Variants in AGO3 observed in about 807,000 individuals in gnomAD.
AGO3 encodes protein argonaute-3.
A neutral mutation model predicts 105.5 loss-of-function variants in AGO3; 16 were observed. The ratio of observed to expected loss-of-function variants is 0.15; its 90% CI spans 0.10 to 0.23. The LOEUF (loss-of-function observed/expected upper bound fraction) is 0.23. Ranked by LOEUF, AGO3 falls within the 10% of genes least tolerant of loss-of-function variation. AGO3 has a pLI of 1.00. For missense variants in AGO3, 534 were observed against 1,088.0 expected, an observed-to-expected ratio of 0.49 and a Z score of 7.16; for synonymous variants, 340 against 367.3, an observed-to-expected ratio of 0.93 and a Z score of 0.85.
chr1:35,970,392 T>A (rs560731631), intron 3 of AGO3, among the ~76,000 whole-genome samples: 21 of 152,314 alleles, frequency 1.4e-4, no homozygotes, highest in Non-Finnish European at 2.8e-4. Context: ...CATTTCATAT[T>A]TGTATCTTTC....
chr1:36,031,709 C>T (rs1387940646), intron 12 of AGO3, among the ~76,000 whole-genome samples: 1 of 152,130 alleles, frequency 6.6e-6, no homozygotes, highest in Non-Finnish European at 1.5e-5. Context: ...CCTCACGTAA[C>T]CCCTGGAAAG....
intron 5 of AGO3, among the ~76,000 whole-genome samples, chr1:35,978,435 G>GCCTC (rs1267412984): frequency 6.6e-6 from 1 of 152,112 alleles, no homozygotes; most frequent in Non-Finnish European, 1.5e-5. Flanking sequence ...CAGGTGATCC[G>GCCTC]CCTCCCTCCG....
Position 36,005,993 on chromosome 1 carries a change from C to T in AGO3, c.793+1518C>T, listed in dbSNP as rs537113545. The T allele has an allele frequency of 4.0e-5, 31 of 766,570 alleles. No homozygotes were observed. In the Middle Eastern group the frequency reaches 3.4e-3, roughly 83 times the overall value. The allele number at this position is 766,570 out of a possible 1,614,324, so 47.5% of individuals were successfully genotyped here. On this transcript the variant is annotated intron_variant, in intron 6 of 18. Transcript: ENST00000373191. ...AAAAATTTCAACTTTTTGCTAGCAC[C>T]TAGATTTTGGTCTAATTCTTAGGTA...
intron 2 of AGO3, among the ~76,000 whole-genome samples, chr1:35,956,173 A>T (rs925290533): frequency 4.6e-5 from 7 of 152,194 alleles, no homozygotes; most frequent in Non-Finnish European, 1.0e-4. Context: ...ATGATGATGG[A>T]GGGCATAGAT....
At chr1:35,957,043 A>G (rs1380226926) in intron 2 of AGO3, among the ~76,000 whole-genome samples, 1 of 151,294 alleles carries the variant, frequency 6.6e-6, no homozygotes, top group Non-Finnish European at 1.5e-5. Flanking sequence ...GCCATTACAC[A>G]TGGTTGTTAA....
At chr1:35,931,469 G>C in intron 1 of AGO3, 24 bp downstream of exon 1, 2 of 1,486,048 alleles carry the variant, frequency 1.3e-6, no homozygotes, top group South Asian at 1.3e-5. Flanking sequence ...GCTGGGCCAG[G>C]TAGGGGATGT....
intron 14 of AGO3, among the ~76,000 whole-genome samples, chr1:36,038,737 A>G (rs1048417203): frequency 1.1e-4 from 17 of 152,338 alleles, no homozygotes; most frequent in Non-Finnish European, 2.4e-4. Context: ...CCAAAGACAT[A>G]ACAATATTAG....
intron 12 of AGO3, among the ~76,000 whole-genome samples, chr1:36,031,945 ATTC>A (rs1317323140): frequency 4.6e-5 from 7 of 151,154 alleles, no homozygotes; most frequent in Non-Finnish European, 8.8e-5. Context: ...CATCTTGTTT[ATTC>A]TTCTGTTGAT....
chr1:35,964,968 GT>G (rs920317365), intron 2 of AGO3, among the ~76,000 whole-genome samples: 39 of 147,760 alleles, frequency 2.6e-4, no homozygotes, highest in African/African-American at 7.9e-4. Flanking sequence ...TTGTTAATGG[GT>G]TTTTTTTTTC....
chr1:35,971,943 A>C, intron 3 of AGO3, 81 bp from the exon 4 acceptor site: 1 of 1,315,126 alleles, frequency 7.6e-7, no homozygotes, highest in Non-Finnish European at 1.1e-6. Flanking sequence ...GTTTTCTCTT[A>C]GATATTTTTA....
Position 36,061,273 on chromosome 1 carries a change from T to C in AGO3, c.*5528T>C, listed in dbSNP as rs561991859. On this transcript the variant is annotated 3_prime_UTR_variant, in exon 19 of 19. Transcript: ENST00000373191. ...AAATTATTTTGACTTTTTTCCTACTTTTAAAATGGTACATTTAAGTTTATA... is the reference window on the plus strand; with the variant it reads ...AAATTATTTTGACTTTTTTCCTACTCTTAAAATGGTACATTTAAGTTTATA... 2 of 152,276 alleles carry C rather than the reference T, an allele frequency of 1.3e-5. No homozygotes were observed. Among genetic ancestry groups the C allele is most frequent in the Admixed American group, 1.3e-4 (2 of 15,280 alleles). The allele number at this position is 152,276 out of a possible 1,614,324, so 9.4% of individuals were successfully genotyped here.
rs1220834427 is a variant in AGO3, at chr1:36,070,371, C to CT, written c.*14627dup. 1 of 152,152 alleles carries CT rather than the reference C, an allele frequency of 6.6e-6. No homozygotes were observed. 9.4% of individuals were successfully genotyped at this position (152,152 alleles called of 1,614,324 possible). On this transcript the variant is annotated 3_prime_UTR_variant, in exon 19 of 19. Transcript: ENST00000373191. ...TTCATGTGAATTCAATTCTGAGCAC[C>CT]TGCAGGTCATATCAGGTGTCTGATG...
chr1:35,945,964 T>C, intron 2 of AGO3, 101 bp downstream of exon 2: 2 of 1,225,280 alleles, frequency 1.6e-6, no homozygotes, highest in Non-Finnish European at 2.2e-6. Context: ...TGTGTAACAG[T>C]TTGACCAAAA....
intron 2 of AGO3, among the ~76,000 whole-genome samples, chr1:35,965,132 T>TAA (rs567277800): frequency 6.8e-6 from 1 of 146,688 alleles, no homozygotes; most frequent in African/African-American, 2.5e-5. Flanking sequence ...ACTGTTGAGT[T>TAA]AAAAAAAAAA....
chr1:35,969,870 C>T (rs376310501), intron 3 of AGO3, among the ~76,000 whole-genome samples: 1 of 152,228 alleles, frequency 6.6e-6, no homozygotes, highest in Admixed American at 6.5e-5. Context: ...TGTATCTAAA[C>T]GTATCTAACT....
intron 11 of AGO3, among the ~76,000 whole-genome samples, chr1:36,024,816 C>T (rs1265706401): frequency 6.6e-6 from 1 of 152,152 alleles, no homozygotes; most frequent in African/African-American, 2.4e-5. Flanking sequence ...TCATATCTTT[C>T]ACCAGTCTCT....
Position 35,972,082 on chromosome 1 carries a change from C to T in AGO3, c.371C>T (p.Ser124Leu). ...EGGKDRPFKV[S>L]IKFVSRVSWH... ...GGAAAAGATCGACCTTTCAAGGTGT[C>T]AATCAAATTTGTCTCTCGGGTGAGT... The change falls in exon 4 of 19, where the codon TCA (serine) becomes TTA (leucine). Residue 124 changes from serine (S) to leucine (L), a missense_variant. By Grantham distance (145) the Ser-to-Leu change is moderately radical. Around this residue, in one of 2 missense-constraint regions of AGO3, gnomAD observed 161 missense variants for 234.0 expected, o/e 0.69. Coordinates refer to ENST00000373191, the MANE Select transcript of AGO3 (RefSeq NM_024852.4). 1.9e-6 allele frequency: 3 copies of T among 1,614,026 alleles called. No homozygotes were observed. The highest frequency in any genetic ancestry group is 2.5e-6 in the Non-Finnish European group (3 of 1,180,008).
intron 1 of AGO3, among the ~76,000 whole-genome samples, chr1:35,944,901 C>A (rs923165884): frequency 2.1e-4 from 32 of 152,154 alleles, no homozygotes; most frequent in Admixed American, 1.8e-3. Context: ...CTCACAGGCT[C>A]AAGCCATTCT....
At chr1:35,960,673 T>A (rs1289167041) in intron 2 of AGO3, among the ~76,000 whole-genome samples, 1 of 151,998 alleles carries the variant, frequency 6.6e-6, no homozygotes, top group East Asian at 1.9e-4. Flanking sequence ...ATGAATTAAT[T>A]GTGTCATATT....
Sources: gnomAD v4.1 joint callset for allele counts (sites outside exome capture counted in the v4.1 genomes callset) on GRCh38, gnomAD v4.1.1 for gene constraint, gnomAD v4.1.1 regional missense constraint, MANE v1.5 for transcripts, NCBI Gene and HGNC (gene_info 2026-07-23, HGNC 2026-07-21) for gene names.